CADM2: variants seen among roughly 807,000 people sequenced by gnomAD.
The protein encoded by CADM2 is cell adhesion molecule 2.
CADM2 carries 12 observed loss-of-function variants against 49.8 expected under a neutral mutation model. That is an observed-to-expected ratio of 0.24 (90% CI 0.15 to 0.39). The LOEUF (loss-of-function observed/expected upper bound fraction) is 0.39. Among genes scored for constraint, CADM2 ranks in the 10% least tolerant of loss-of-function variants. CADM2 has a pLI of 1.00. For missense variants in CADM2, 378 were observed against 492.3 expected (o/e 0.77, Z 2.20); for synonymous variants, 214 against 175.4 (o/e 1.22, Z -1.74).
intron 1 of CADM2, among the ~76,000 whole-genome samples, chr3:85,723,882 T>A (rs1334194796): frequency 6.6e-6 from 1 of 152,054 alleles, no homozygotes; most frequent in Non-Finnish European, 1.5e-5. Context: ...CATGCTAAAA[T>A]TTTTCAAGTG....
chr3:85,927,347 A>C (rs996954705), intron 6 of CADM2, among the ~76,000 whole-genome samples: 4 of 152,180 alleles, frequency 2.6e-5, no homozygotes, highest in Non-Finnish European at 4.4e-5. Context: ...ATAAGCATGC[A>C]TCCTAGGAAT....
chr3:85,023,774 T>C (rs2034608277), intron 1 of CADM2, among the ~76,000 whole-genome samples: 1 of 148,800 alleles, frequency 6.7e-6, no homozygotes, highest in South Asian at 2.1e-4. Flanking sequence ...ATTTTTATCA[T>C]TTTTTTAAAA....
At chr3:86,038,008 T>C (rs1474682590) in intron 8 of CADM2, among the ~76,000 whole-genome samples, 1 of 152,032 alleles carries the variant, frequency 6.6e-6, no homozygotes, top group Non-Finnish European at 1.5e-5. Flanking sequence ...CCTGACAAGC[T>C]GTGGTGTGTG....
At chr3:85,747,861 T>A (rs932316700) in intron 2 of CADM2, among the ~76,000 whole-genome samples, 28 of 152,072 alleles carry the variant, frequency 1.8e-4, no homozygotes, top group African/African-American at 6.3e-4. Context: ...TGAGGAGCAG[T>A]TTCTGAATGA....
chr3:85,797,409 C>T (rs966365351), intron 2 of CADM2, among the ~76,000 whole-genome samples: 16 of 152,124 alleles, frequency 1.1e-4, no homozygotes, highest in African/African-American at 3.4e-4. Context: ...CTCCCCTTAC[C>T]CCACTACCCC....
intron 1 of CADM2, among the ~76,000 whole-genome samples, chr3:85,685,814 C>CG (rs891338507): frequency 1.8e-4 from 27 of 150,220 alleles, no homozygotes; most frequent in Non-Finnish European, 3.0e-4. Flanking sequence ...CTAGTAGAAA[C>CG]GGAGTTTCAT....
chr3:85,235,667 C>T (rs186847797), intron 1 of CADM2, among the ~76,000 whole-genome samples: 2 of 152,166 alleles, frequency 1.3e-5, no homozygotes, highest in East Asian at 1.9e-4. Flanking sequence ...ATTGAAATTT[C>T]ATTACAAGTA....
At chr3:85,897,742 A>C (rs1715448862) in intron 5 of CADM2, among the ~76,000 whole-genome samples, 1 of 152,166 alleles carries the variant, frequency 6.6e-6, no homozygotes, top group African/African-American at 2.4e-5. Flanking sequence ...TTTTGTCCTA[A>C]GGACTCATTT....
chr3:85,912,713 C>G lies in CADM2; in HGVS notation c.700+170C>G, dbSNP rs1337131745. Among the ~76,000 whole-genome samples the G allele has an allele frequency of 2.0e-5, 3 of 152,066 alleles. No homozygotes were observed. The East Asian group carries it at 5.8e-4, about 29-fold the overall frequency. On this transcript the variant is annotated intron_variant, in intron 6 of 9. Coordinates refer to ENST00000383699, the MANE Select transcript of CADM2 (RefSeq NM_001167675.2). ...TAATCAGGTTCAAAGGAAAACACTC[C>G]TTGTCTGAGTTTCATTCTTAACAAT...
intron 1 of CADM2, among the ~76,000 whole-genome samples, chr3:85,384,077 A>C (rs558411247): frequency 1.3e-5 from 2 of 152,180 alleles, no homozygotes; most frequent in Non-Finnish European, 2.9e-5. Context: ...GTTTCAAGGA[A>C]ATAATACCAG....
chr3:85,347,856 G>A (rs9810508), intron 1 of CADM2, among the ~76,000 whole-genome samples: 31,041 of 150,262 alleles, frequency 0.21, 4,071 homozygotes, highest in Non-Finnish European at 0.29. Context: ...CGCCCAGGCT[G>A]GAGTGCAGTG....
At chr3:85,009,152 C>T (rs1365157177) in intron 1 of CADM2, among the ~76,000 whole-genome samples, 1 of 152,106 alleles carries the variant, frequency 6.6e-6, no homozygotes, top group Non-Finnish European at 1.5e-5. Context: ...TGGACCTAAA[C>T]TTTTTCTCTC....
chr3:85,815,991 T>A (rs1327406333), intron 3 of CADM2, among the ~76,000 whole-genome samples: 1 of 152,132 alleles, frequency 6.6e-6, no homozygotes, highest in Non-Finnish European at 1.5e-5. Context: ...ATCTTAACAA[T>A]ATCAAAAAAC....
intron 8 of CADM2, among the ~76,000 whole-genome samples, chr3:85,987,780 T>C (rs969641413): frequency 6.6e-6 from 1 of 150,574 alleles, no homozygotes; most frequent in Non-Finnish European, 1.5e-5. Context: ...CTAAAGTGAG[T>C]TATTATTAAT....
intron 1 of CADM2, among the ~76,000 whole-genome samples, chr3:85,631,422 T>A (rs2107522789): frequency 6.6e-6 from 1 of 152,250 alleles, no homozygotes; most frequent in East Asian, 1.9e-4. Flanking sequence ...TATAGCATGC[T>A]AAGGTTGAAA....
intron 8 of CADM2, among the ~76,000 whole-genome samples, chr3:86,038,967 C>A (rs945661570): frequency 2.6e-5 from 4 of 152,150 alleles, no homozygotes; most frequent in African/African-American, 4.8e-5. Context: ...GAAGGAGAAT[C>A]TGGAAGGTAG....
At chr3:85,169,118 A>AGTTTT (rs2040551783) in intron 1 of CADM2, among the ~76,000 whole-genome samples, 1 of 151,792 alleles carries the variant, frequency 6.6e-6, no homozygotes, top group African/African-American at 2.4e-5. Flanking sequence ...AAGCCCAGCT[A>AGTTTT]GTTTTGTTTT....
intron 1 of CADM2, among the ~76,000 whole-genome samples, chr3:85,199,748 AT>A (rs1311536933): frequency 1.3e-5 from 2 of 152,050 alleles, no homozygotes; most frequent in Non-Finnish European, 2.9e-5. Context: ...CAAGTCTATA[AT>A]AATTAAGTGG....
At chr3:85,351,421 G>T (rs2031338139) in intron 1 of CADM2, among the ~76,000 whole-genome samples, 1 of 152,154 alleles carries the variant, frequency 6.6e-6, no homozygotes, top group Non-Finnish European at 1.5e-5. Flanking sequence ...TCTTCAGAAT[G>T]TTAAATGGGA....
Sources: allele counts gnomAD v4.1 joint callset (sites outside exome capture counted in the v4.1 genomes callset), GRCh38; gene constraint gnomAD v4.1.1; transcripts MANE v1.5; gene names NCBI Gene and HGNC (gene_info 2026-07-23, HGNC 2026-07-21).